The following POMK variants were observed in gnomAD, a reference collection of about 807,000 sequenced individuals.
POMK encodes the protein Sugen kinase 196.
POMK carries 19 observed loss-of-function variants against 23.0 expected under a neutral mutation model. The ratio of observed to expected loss-of-function variants is 0.83; its 90% CI spans 0.58 to 1.21. The LOEUF (loss-of-function observed/expected upper bound fraction) is 1.21. POMK is among the 50% of genes most tolerant of loss of function. The pLI is 0.00. For missense variants in POMK, 410 were observed against 431.3 expected (o/e 0.95, Z 0.44); for synonymous variants, 173 against 171.6 (o/e 1.01, Z -0.06).
Position 43,111,136 on chromosome 8 carries a change from C to T in POMK, c.282+7306C>T, listed in dbSNP as rs1563339464. ...AAGCAGGGCGAGGCATTGCCCCACCCGGGAAGCGTAAGGAGTCAGGGAGTC... is the reference window on the plus strand; with the variant it reads ...AAGCAGGGCGAGGCATTGCCCCACCTGGGAAGCGTAAGGAGTCAGGGAGTC... On this transcript the variant is annotated intron_variant, in intron 4 of 4. Transcript: ENST00000331373. 2.6e-5 allele frequency among the ~76,000 whole-genome samples: 4 copies of T among 152,230 alleles called. No individual in the cohort carries two copies. The South Asian group carries it at 8.3e-4, about 32-fold the overall frequency.
At chr8:43,103,490 C>T in intron 3 of POMK, 38 bp from the exon 4 acceptor site, 1 of 1,588,940 alleles carries the variant, frequency 6.3e-7, no homozygotes, top group Non-Finnish European at 8.6e-7. Flanking sequence ...GAAGTGAAAG[C>T]TGACTGTCAT....
At chr8:43,094,350 T>C (rs1811288611) in intron 1 of POMK, among the ~76,000 whole-genome samples, 1 of 152,056 alleles carries the variant, frequency 6.6e-6, no homozygotes, top group Non-Finnish European at 1.5e-5. Flanking sequence ...GCTGTCTCTG[T>C]TTAAAAAAAC....
At chr8:43,111,159 G>A (rs1046588775) in intron 4 of POMK, among the ~76,000 whole-genome samples, 1 of 152,240 alleles carries the variant, frequency 6.6e-6, no homozygotes, top group Non-Finnish European at 1.5e-5. Flanking sequence ...GAGTCAGGGA[G>A]TCCCTTTTCT....
chr8:43,112,981 A>G (rs1306541662), intron 4 of POMK, among the ~76,000 whole-genome samples: 1 of 152,210 alleles, frequency 6.6e-6, no homozygotes, highest in Non-Finnish European at 1.5e-5. Context: ...AAAGACCATC[A>G]AGGCTAGGAA....
chr8:43,096,348 C>A (rs1479340827), intron 1 of POMK, among the ~76,000 whole-genome samples: 1 of 152,134 alleles, frequency 6.6e-6, no homozygotes, highest in African/African-American at 2.4e-5. Context: ...AAGGTGGGAT[C>A]AGATCCGTGC....
intron 4 of POMK, among the ~76,000 whole-genome samples, chr8:43,105,042 T>A (rs377373611): frequency 5.9e-5 from 9 of 152,362 alleles, no homozygotes; most frequent in African/African-American, 2.2e-4. Context: ...TATACTGATT[T>A]TTAACAATTT....
intron 2 of POMK, among the ~76,000 whole-genome samples, chr8:43,100,148 A>AG: frequency 6.6e-6 from 1 of 152,260 alleles, no homozygotes; most frequent in Middle Eastern, 3.4e-3. Flanking sequence ...AATAGGGAGC[A>AG]GGGGGTCAGA....
At position 43,110,775 on chromosome 8, in the gene POMK, G is replaced by A. The variant is rs573147920; in HGVS notation, c.282+6945G>A. Among the ~76,000 whole-genome samples the A allele has an allele frequency of 2.3e-4, 35 of 152,264 alleles. 1 individual carries two copies. The South Asian group carries it at 4.8e-3, about 21-fold the overall frequency. On this transcript the variant is annotated intron_variant, in intron 4 of 4. Transcript: ENST00000331373. ...TTAGAAATACTAATATTAGCCGGGC[G>A]TTGTGCTGGGTGCATATATTCCAAG...
intron 4 of POMK, among the ~76,000 whole-genome samples, chr8:43,119,072 A>C (rs888352542): frequency 2.6e-5 from 4 of 152,106 alleles, no homozygotes; most frequent in Non-Finnish European, 5.9e-5. Flanking sequence ...CGGCCTCTTG[A>C]AGTGCTGGGA....
chr8:43,114,616 A>G (rs544697934), intron 4 of POMK, among the ~76,000 whole-genome samples: 2 of 152,330 alleles, frequency 1.3e-5, no homozygotes, highest in African/African-American at 2.4e-5. Context: ...CGCTGCACCC[A>G]CTGTCCTGCA....
rs765987803 is a variant in POMK, at chr8:43,122,505, C to T, written c.681C>T (p.Asp227=). 27 of 1,614,034 alleles carry T rather than the reference C, an allele frequency of 1.7e-5. No individual in the cohort carries two copies. The highest frequency in any genetic ancestry group is 7.6e-6 in the Non-Finnish European group (9 of 1,180,034). The change falls in exon 5 of 5, where the codon GAC becomes GAT. Residue 227 remains aspartate, a synonymous_variant. Transcript: ENST00000331373. ...LTSNFSILAN[D]LDALPLVNHS... is the part of the protein sequence containing the mutation. Reference sequence around the variant, plus strand: ...GCAACTTCAGCATTTTGGCAAATGACTTGGACGCCTTACCCCTGGTGAACC... The same window carrying T: ...GCAACTTCAGCATTTTGGCAAATGATTTGGACGCCTTACCCCTGGTGAACC...
In POMK at chr8:43,122,025, C is replaced by G; in HGVS notation, c.283-82C>G. Reference sequence around the variant, plus strand: ...TTCTGTATCTTCTGCAGAACACCTGCCACTTAAAAGATATTTGTTGTTCTT... The same window carrying G: ...TTCTGTATCTTCTGCAGAACACCTGGCACTTAAAAGATATTTGTTGTTCTT... On this transcript the variant is annotated intron_variant, in intron 4 of 4. Transcript: ENST00000331373. The G allele has an allele frequency of 2.3e-6, 3 of 1,331,186 alleles. No homozygotes were observed. The South Asian group carries it at 4.0e-5, about 18-fold the overall frequency. The allele number at this position is 1,331,186 out of a possible 1,614,324, so 82.5% of individuals were successfully genotyped here.
Position 43,122,091 on chromosome 8 carries a change from T to C in POMK, c.283-16T>C, listed in dbSNP as rs770524845. On this transcript the variant is annotated splice_polypyrimidine_tract_variant and intron_variant, in intron 4 of 4. Transcript: ENST00000331373. The stretch of plus-strand genomic sequence containing the variant: ...GTGAGAGTTCAGGCCTGATGCTCTC[T>C]ATGGCTTTGTTGCAGGTCTTTCTGT... 2 of 1,612,138 alleles carry C rather than the reference T, an allele frequency of 1.2e-6. No homozygotes were observed. Among genetic ancestry groups the C allele is most frequent in the East Asian group, 2.2e-5 (1 of 44,878 alleles).
intron 4 of POMK, among the ~76,000 whole-genome samples, chr8:43,117,033 G>C (rs565983237): frequency 6.6e-6 from 1 of 152,280 alleles, no homozygotes; most frequent in African/African-American, 2.4e-5. Context: ...GGAGCTTTTT[G>C]AGCCAGGATG....
At chr8:43,105,969 C>G (rs532117143) in intron 4 of POMK, among the ~76,000 whole-genome samples, 1 of 152,298 alleles carries the variant, frequency 6.6e-6, no homozygotes, top group South Asian at 2.1e-4. Flanking sequence ...CTGTGCATAT[C>G]TCTTTGATAT....
At chr8:43,104,409 C>T (rs1032705161) in intron 4 of POMK, among the ~76,000 whole-genome samples, 1 of 152,018 alleles carries the variant, frequency 6.6e-6, no homozygotes, top group Non-Finnish European at 1.5e-5. Flanking sequence ...ATAAGTAATC[C>T]AAGGCAGGAA....
At chr8:43,121,312 A>T (rs1360179547) in intron 4 of POMK, among the ~76,000 whole-genome samples, 1 of 152,198 alleles carries the variant, frequency 6.6e-6, no homozygotes, top group Non-Finnish European at 1.5e-5. Context: ...TTTAAGCAAA[A>T]GATCAGAGGT....
intron 2 of POMK, among the ~76,000 whole-genome samples, chr8:43,101,301 C>T (rs1049777600): frequency 2.0e-5 from 3 of 151,670 alleles, no homozygotes; most frequent in Non-Finnish European, 2.9e-5. Context: ...TGATGCGCAC[C>T]TGTAGTCCCA....
chr8:43,122,234 T>G lies in POMK; in HGVS notation c.410T>G (p.Leu137Arg), dbSNP rs397509385. The G allele has an allele frequency of 1.2e-6, 2 of 1,614,130 alleles. No homozygotes were observed. The highest frequency in any genetic ancestry group is 1.7e-6 in the Non-Finnish European group (2 of 1,180,058). ...KSLQGTHVVT[L>R]LGYCEDDNTM... The stretch of plus-strand genomic sequence containing the variant: ...CTCCAAGGCACACATGTTGTCACGC[T>G]GCTTGGCTATTGTGAGGATGACAAC... Residue 137 changes from leucine (L) to arginine (R), a missense_variant, in exon 5 of 5, where the codon CTG becomes CGG. Transcript: ENST00000331373.
Sources: gnomAD v4.1 joint callset for allele counts (sites outside exome capture counted in the v4.1 genomes callset) on GRCh38, gnomAD v4.1.1 for gene constraint, MANE v1.5 for transcripts, NCBI Gene and HGNC (gene_info 2026-07-23, HGNC 2026-07-21) for gene names.